Variants in ZFAND3 observed in about 807,000 individuals in gnomAD.
The protein encoded by ZFAND3 is AN1-type zinc finger protein 3.
A neutral mutation model predicts 29.6 loss-of-function variants in ZFAND3; 10 were observed. The ratio of observed to expected loss-of-function variants is 0.34; its 90% CI spans 0.21 to 0.57. The LOEUF (loss-of-function observed/expected upper bound fraction) is 0.57. Among genes scored for constraint, ZFAND3 ranks in the 20% least tolerant of loss-of-function variants. ZFAND3 has a pLI of 0.86. For missense variants in ZFAND3, 230 were observed against 304.5 expected (o/e 0.76, Z 1.82); for synonymous variants, 128 against 112.6 (o/e 1.14, Z -0.87).
chr6:38,105,265 G>A (rs1765185141), intron 4 of ZFAND3, among the ~76,000 whole-genome samples: 2 of 152,134 alleles, frequency 1.3e-5, no homozygotes, highest in African/African-American at 2.4e-5. Context: ...TACAAGTCCA[G>A]GCATGGTGGG....
At chr6:37,870,439 T>C (rs894279933) in intron 1 of ZFAND3, among the ~76,000 whole-genome samples, 2 of 150,782 alleles carry the variant, frequency 1.3e-5, no homozygotes, top group Non-Finnish European at 3.0e-5. Context: ...CCGCCTCTAC[T>C]AAAAATACAA....
intron 2 of ZFAND3, among the ~76,000 whole-genome samples, chr6:38,050,687 A>G (rs774493621): frequency 6.6e-5 from 10 of 152,078 alleles, no homozygotes; most frequent in Non-Finnish European, 1.2e-4. Context: ...TCTTTTCTTT[A>G]TAAGTTACCC....
chr6:37,915,135 T>G (rs1272172707), intron 1 of ZFAND3, among the ~76,000 whole-genome samples: 1 of 152,224 alleles, frequency 6.6e-6, no homozygotes, highest in Non-Finnish European at 1.5e-5. Flanking sequence ...TTCTTTTTTT[T>G]AAACCTCATG....
intron 4 of ZFAND3, among the ~76,000 whole-genome samples, chr6:38,114,320 C>T (rs1336751286): frequency 6.6e-6 from 1 of 152,220 alleles, no homozygotes; most frequent in Non-Finnish European, 1.5e-5. Flanking sequence ...TTTCTTTCAG[C>T]TGACTGCTTT....
intron 5 of ZFAND3, among the ~76,000 whole-genome samples, chr6:38,144,156 T>A (rs1766019007): frequency 8.1e-6 from 1 of 122,830 alleles, no homozygotes; most frequent in Non-Finnish European, 1.7e-5. Context: ...AATTATTACC[T>A]TGCTAGAAAA....
chr6:37,932,229 A>G (rs538518603), intron 2 of ZFAND3, among the ~76,000 whole-genome samples: 3 of 151,734 alleles, frequency 2.0e-5, no homozygotes, highest in East Asian at 1.9e-4. Context: ...AGATCACGCC[A>G]CTGCACTCCA....
At chr6:38,045,054 T>TTTTTTTTA (rs374971956) in intron 2 of ZFAND3, among the ~76,000 whole-genome samples, 73 of 134,784 alleles carry the variant, frequency 5.4e-4, no homozygotes, top group Middle Eastern at 3.6e-3. Context: ...GTGGAAATTC[T>TTTTTTTTA]TTTATTTATT....
intron 3 of ZFAND3, among the ~76,000 whole-genome samples, chr6:38,076,059 C>CT (rs1764548164): frequency 6.6e-6 from 1 of 151,960 alleles, no homozygotes; most frequent in African/African-American, 2.4e-5. Flanking sequence ...GCCTCGTTTT[C>CT]TTTTTTTAAG....
intron 5 of ZFAND3, among the ~76,000 whole-genome samples, chr6:38,129,136 G>A (rs1336375674): frequency 6.6e-6 from 1 of 152,024 alleles, no homozygotes; most frequent in Non-Finnish European, 1.5e-5. Flanking sequence ...CTTCTTTTGA[G>A]AATTTTCTAT....
chr6:38,146,833 T>C (rs950252344), intron 5 of ZFAND3, among the ~76,000 whole-genome samples: 1 of 152,156 alleles, frequency 6.6e-6, no homozygotes, highest in Non-Finnish European at 1.5e-5. Context: ...TAAGCAAAAA[T>C]CTGTTGAAAT....
At chr6:38,069,151 T>C (rs1339790084) in intron 3 of ZFAND3, among the ~76,000 whole-genome samples, 1 of 152,212 alleles carries the variant, frequency 6.6e-6, no homozygotes, top group Non-Finnish European at 1.5e-5. Context: ...TTTCTAATAA[T>C]CTCTAAATGA....
intron 2 of ZFAND3, among the ~76,000 whole-genome samples, chr6:37,996,803 A>G (rs1762856871): frequency 6.6e-6 from 1 of 152,180 alleles, no homozygotes; most frequent in South Asian, 2.1e-4. Context: ...ACAATATGAG[A>G]CATTTCCCAT....
rs1440361476 is a variant in ZFAND3 at position 38,116,733 on chromosome 6, C to T, written c.523C>T (p.Arg175Cys). The change falls in exon 5 of 6, where the codon CGC becomes TGC. Residue 175 changes from arginine to cysteine, a missense_variant. Arg to Cys is a radical substitution (Grantham distance 180). Transcript: ENST00000287218. The stretch of plus-strand genomic sequence containing the variant: ...GGTGCAGCAGGAATTGGGATCGTGT[C>T]GCTGCGGTAAGCATCTCCCCCAGTG... ...ELVQQELGSC[R>C]CGYVFCMLHR... 1.2e-6 allele frequency: 2 copies of T among 1,613,676 alleles called. No homozygotes were observed. The highest frequency in any genetic ancestry group is 4.5e-5 in the East Asian group (2 of 44,872).
chr6:37,924,123 C>T (rs1474805834), intron 1 of ZFAND3, among the ~76,000 whole-genome samples: 1 of 152,016 alleles, frequency 6.6e-6, no homozygotes, highest in Non-Finnish European at 1.5e-5. Context: ...AAGTGTCTGC[C>T]ACCTGTTATA....
chr6:38,111,566 GACA>G (rs1179360263), intron 4 of ZFAND3, among the ~76,000 whole-genome samples: 2 of 152,298 alleles, frequency 1.3e-5, no homozygotes, highest in African/African-American at 4.8e-5. Context: ...TCAGCGTGAA[GACA>G]ACAACGATGA....
chr6:37,926,207 A>G (rs1761481375), intron 1 of ZFAND3, among the ~76,000 whole-genome samples: 1 of 152,242 alleles, frequency 6.6e-6, no homozygotes, highest in Admixed American at 6.5e-5. Flanking sequence ...CTATGATCAG[A>G]TACATAACCC....
chr6:37,873,511 T>C (rs1764736272), intron 1 of ZFAND3, among the ~76,000 whole-genome samples: 1 of 151,978 alleles, frequency 6.6e-6, no homozygotes, highest in Admixed American at 6.5e-5. Flanking sequence ...ATGAGGTATT[T>C]TATATAGTTT....
chr6:38,135,197 T>G (rs1765816130), intron 5 of ZFAND3, among the ~76,000 whole-genome samples: 1 of 152,156 alleles, frequency 6.6e-6, no homozygotes, highest in South Asian at 2.1e-4. Flanking sequence ...GAGGTGACAC[T>G]CTTAACTGTT....
chr6:37,969,907 CT>C lies in ZFAND3; in HGVS notation c.112+39910del, dbSNP rs148920495. Among the ~76,000 whole-genome samples the C allele has an allele frequency of 0.017, 2,580 of 152,168 alleles. 253 individuals carry two copies. In the East Asian group the frequency reaches 0.28, roughly 16 times the overall value. Reference sequence around the variant, plus strand: ...TATTTTTAGGAAACAATCAAATCCCCTTGTGGTTATTAAATTAATTTAGTAT... The same window carrying C: ...TATTTTTAGGAAACAATCAAATCCCCTGTGGTTATTAAATTAATTTAGTAT... On this transcript the variant is annotated intron_variant, in intron 2 of 5. Transcript: ENST00000287218.
Sources: allele counts gnomAD v4.1 joint callset (sites outside exome capture counted in the v4.1 genomes callset), GRCh38; gene constraint gnomAD v4.1.1; transcripts MANE v1.5; gene names NCBI Gene and HGNC (gene_info 2026-07-23, HGNC 2026-07-21).